ZNF827: variants seen among roughly 807,000 people sequenced by gnomAD.
The protein encoded by ZNF827 is zinc finger protein 827.
ZNF827 carries 13 observed loss-of-function variants against 102.4 expected under a neutral mutation model. That is an observed-to-expected ratio of 0.13 (90% CI 0.08 to 0.20). ZNF827 has a LOEUF of 0.20. Among genes scored for constraint, ZNF827 ranks in the 10% least tolerant of loss-of-function variants. ZNF827 has a pLI of 1.00. For missense variants in ZNF827, 1,103 were observed against 1,344.4 expected (o/e 0.82, Z 2.81); for synonymous variants, 523 against 536.2 (o/e 0.98, Z 0.34).
intron 1 of ZNF827, among the ~76,000 whole-genome samples, chr4:145,936,569 C>G (rs1306214772): frequency 1.3e-5 from 2 of 152,132 alleles, no homozygotes; most frequent in African/African-American, 2.4e-5. Flanking sequence ...TGCCCTTGCT[C>G]GCCACTTCGG....
chr4:145,895,303 G>A (rs993318113), intron 2 of ZNF827, among the ~76,000 whole-genome samples: 4 of 152,164 alleles, frequency 2.6e-5, no homozygotes, highest in Non-Finnish European at 4.4e-5. Context: ...AGACCCCTCA[G>A]TCTTCACCCT....
chr4:145,907,084 G>C (rs1296278249), intron 1 of ZNF827: 1 of 456,740 alleles, frequency 2.2e-6, no homozygotes, highest in Non-Finnish European at 4.4e-6. Context: ...ATGGTGAGAG[G>C]AGCTTTGGGA....
intron 1 of ZNF827, among the ~76,000 whole-genome samples, chr4:145,923,131 C>T (rs1753193186): frequency 6.6e-6 from 1 of 152,106 alleles, no homozygotes; most frequent in African/African-American, 2.4e-5. Context: ...GATTTTAATG[C>T]TTCAAAATAT....
At chr4:145,877,855 T>C (rs956323139) in intron 4 of ZNF827, among the ~76,000 whole-genome samples, 2 of 152,218 alleles carry the variant, frequency 1.3e-5, no homozygotes, top group East Asian at 1.9e-4. Flanking sequence ...GGACAGGTCC[T>C]GGAAAACCAA....
chr4:145,881,238 T>C (rs1416836477), intron 4 of ZNF827, among the ~76,000 whole-genome samples: 1 of 152,218 alleles, frequency 6.6e-6, no homozygotes, highest in Admixed American at 6.5e-5. Flanking sequence ...CAGAAACAGT[T>C]TAGCTTATAT....
rs1560884358 is a variant in ZNF827, at chr4:145,762,980, T to TCGCCGTTAGCCTTTGAACCG, written c.*17+109_*17+110insCGGTTCAAAGGCTAACGGCG. ...GTGCACGGCCTCCTCAGCGCCAAGCTCGCCGTTAGCCTTTGAACCTCAGCT... is the reference window on the plus strand; with the variant it reads ...GTGCACGGCCTCCTCAGCGCCAAGCTCGCCGTTAGCCTTTGAACCGCGCCGTTAGCCTTTGAACCTCAGCT... On this transcript the variant is annotated intron_variant, in intron 14 of 14. Coordinates refer to ENST00000508784, the MANE Select transcript of ZNF827 (RefSeq NM_001306215.2). This position sits in a 1 kb window ranked among gnomAD's most constrained non-coding sequence, Gnocchi z 4.9. 2 of 1,091,842 alleles carry TCGCCGTTAGCCTTTGAACCG rather than the reference T, an allele frequency of 1.8e-6. No homozygotes were observed. The highest frequency in any genetic ancestry group is 5.1e-5 in the East Asian group (2 of 38,914). The allele number at this position is 1,091,842 out of a possible 1,614,324, so 67.6% of individuals were successfully genotyped here. A position where few individuals can be genotyped will look rare whatever the true frequency, so the allele number is the denominator to read the frequency against.
chr4:145,829,482 T>A (rs1269359002), intron 7 of ZNF827, among the ~76,000 whole-genome samples: 1 of 152,240 alleles, frequency 6.6e-6, no homozygotes, highest in East Asian at 1.9e-4. Context: ...ATATATTATG[T>A]GACCTAACAG....
In ZNF827 at chr4:145,930,650, A is replaced by G. The variant is rs951296388; in HGVS notation, c.43+7715T>C. Among the ~76,000 whole-genome samples, 58 of 152,322 alleles carry G rather than the reference A, an allele frequency of 3.8e-4. 1 individual carries two copies. The highest frequency in any genetic ancestry group is 1.8e-4 in the Non-Finnish European group (12 of 68,030). On this transcript the variant is annotated intron_variant, in intron 1 of 14. Transcript: ENST00000508784. Reference sequence around the variant, plus strand: ...ACTTCAGTAGTAAAAGCTGTTTTTTATAAGAAGGGAATGGACAGTCGGAAA... The same window carrying G: ...ACTTCAGTAGTAAAAGCTGTTTTTTGTAAGAAGGGAATGGACAGTCGGAAA...
intron 1 of ZNF827, among the ~76,000 whole-genome samples, chr4:145,924,465 A>G (rs961560621): frequency 2.0e-5 from 3 of 152,148 alleles, no homozygotes; most frequent in Non-Finnish European, 2.9e-5. Flanking sequence ...CTCCTTGCTG[A>G]TTATTGAGGA....
At chr4:145,827,270 T>A (rs889280607) in intron 7 of ZNF827, among the ~76,000 whole-genome samples, 1 of 152,136 alleles carries the variant, frequency 6.6e-6, no homozygotes, top group South Asian at 2.1e-4. Context: ...TAGAGACCCA[T>A]GAATCCTTGC....
intron 8 of ZNF827, among the ~76,000 whole-genome samples, chr4:145,814,606 T>TAACAAACAAACAAACA (rs59852029): frequency 6.1e-5 from 9 of 147,882 alleles, no homozygotes; most frequent in South Asian, 2.2e-4. Flanking sequence ...TCTCACCTCC[T>TAACAAACAAACAAACA]AACAAACAAA....
chr4:145,914,035 A>T (rs915999627), intron 1 of ZNF827, among the ~76,000 whole-genome samples: 12 of 149,302 alleles, frequency 8.0e-5, no homozygotes, highest in Admixed American at 5.3e-4. Context: ...ATCTTAGCTT[A>T]TACATAAAAT....
chr4:145,880,560 T>A (rs1749575674), intron 4 of ZNF827, among the ~76,000 whole-genome samples: 1 of 152,212 alleles, frequency 6.6e-6, no homozygotes, highest in African/African-American at 2.4e-5. Context: ...GCTTGTCTCA[T>A]GAGTGGCAAG....
chr4:145,835,629 C>T (rs898509053), intron 7 of ZNF827, among the ~76,000 whole-genome samples: 2 of 150,020 alleles, frequency 1.3e-5, no homozygotes, highest in Non-Finnish European at 2.9e-5. Context: ...TATCCCCCCA[C>T]CTTAACCCAC....
intron 4 of ZNF827, among the ~76,000 whole-genome samples, chr4:145,878,353 A>G (rs548850693): frequency 1.3e-5 from 2 of 152,278 alleles, no homozygotes; most frequent in African/African-American, 4.8e-5. Flanking sequence ...GGGTATGTTC[A>G]TGAGCTGGTG....
intron 3 of ZNF827, among the ~76,000 whole-genome samples, chr4:145,891,692 C>T (rs1271205634): frequency 1.3e-5 from 2 of 152,172 alleles, no homozygotes; most frequent in East Asian, 3.8e-4. Flanking sequence ...GAAAGGGCCC[C>T]CAAGCCTCCC....
chr4:145,765,312 G>T lies in ZNF827; in HGVS notation c.3053-147C>A. On this transcript the variant is annotated intron_variant, in intron 12 of 14. Coordinates refer to ENST00000508784, the MANE Select transcript of ZNF827 (RefSeq NM_001306215.2). The surrounding 1 kb of genome is among the most constrained non-coding windows in gnomAD (Gnocchi z 4.7). ...CAGGCACTGTTCCCCATATCTCTGT[G>T]CTAAAAGGAGTTAAATGTACAAACA... is the stretch of plus-strand genomic sequence containing the variant. 2 of 1,011,622 alleles carry T rather than the reference G, an allele frequency of 2.0e-6. No individual in the cohort carries two copies. Among genetic ancestry groups the T allele is most frequent in the South Asian group, 1.7e-5 (1 of 57,782 alleles). The allele number at this position is 1,011,622 out of a possible 1,614,324, so 62.7% of individuals were successfully genotyped here. A position where few individuals can be genotyped will look rare whatever the true frequency, so the allele number is the denominator to read the frequency against.
intron 1 of ZNF827, among the ~76,000 whole-genome samples, chr4:145,932,904 AT>A (rs1753916146): frequency 1.3e-5 from 2 of 152,136 alleles, no homozygotes; most frequent in African/African-American, 4.8e-5. Flanking sequence ...GATTTTCTAC[AT>A]TTCCCTTCGA....
intron 1 of ZNF827, among the ~76,000 whole-genome samples, chr4:145,925,170 T>G (rs955523918): frequency 6.6e-6 from 1 of 152,076 alleles, no homozygotes; most frequent in Admixed American, 6.5e-5. Flanking sequence ...GAAAGACCCA[T>G]CCGCATGATT....
Sources: allele counts gnomAD v4.1 joint callset (sites outside exome capture counted in the v4.1 genomes callset), GRCh38; gene constraint gnomAD v4.1.1; non-coding constraint Gnocchi (gnomAD v3.1); transcripts MANE v1.5; gene names NCBI Gene and HGNC (gene_info 2026-07-23, HGNC 2026-07-21).